Variants in JAKMIP2 observed in about 807,000 individuals in gnomAD.
The protein encoded by JAKMIP2 is janus kinase and microtubule-interacting protein 2.
Under a neutral mutation model 115.0 loss-of-function variants are expected in JAKMIP2, and 25 were observed. That is an observed-to-expected ratio of 0.22 (90% CI 0.16 to 0.30). JAKMIP2 has a LOEUF of 0.30. Ranked by LOEUF, JAKMIP2 falls within the 10% of genes least tolerant of loss-of-function variation. The pLI, the probability that JAKMIP2 is intolerant of heterozygous loss-of-function variation, is 1.00. For synonymous variants in JAKMIP2, 334 were observed against 343.6 expected (o/e 0.97, Z 0.31); for missense variants, 642 against 957.6 (o/e 0.67, Z 4.35).
intron 1 of JAKMIP2, among the ~76,000 whole-genome samples, chr5:147,697,885 A>G (rs770443150): frequency 6.6e-6 from 1 of 152,190 alleles, no homozygotes; most frequent in Non-Finnish European, 1.5e-5. Flanking sequence ...GTGGGGTTGG[A>G]GACTTGACAC....
intron 21 of JAKMIP2, among the ~76,000 whole-genome samples, chr5:147,601,440 T>TA (rs575443742): frequency 3.3e-5 from 5 of 150,876 alleles, no homozygotes; most frequent in Admixed American, 6.6e-5. Context: ...AAAATAATAA[T>TA]AAAAAAAAAT....
intron 1 of JAKMIP2, among the ~76,000 whole-genome samples, chr5:147,718,837 C>G (rs1390055227): frequency 6.6e-6 from 1 of 151,050 alleles, no homozygotes; most frequent in Non-Finnish European, 1.5e-5. Flanking sequence ...TTTTTTGTGT[C>G]TCTATTTCCT....
intron 17 of JAKMIP2, among the ~76,000 whole-genome samples, chr5:147,621,356 T>C (rs912093300): frequency 6.6e-6 from 1 of 152,234 alleles, no homozygotes; most frequent in Non-Finnish European, 1.5e-5. Context: ...CTTAAAACTA[T>C]ATTTTGGGTA....
intron 7 of JAKMIP2, 149 bp downstream of exon 7, chr5:147,643,909 T>G (rs1757996301): frequency 2.0e-6 from 1 of 509,234 alleles, no homozygotes. Flanking sequence ...TATAAAATAT[T>G]GGAATACAGT....
intron 1 of JAKMIP2, among the ~76,000 whole-genome samples, chr5:147,774,589 T>G (rs2116740): frequency 0.32 from 49,277 of 151,934 alleles, 9,442 homozygotes; most frequent in African/African-American, 0.54. Flanking sequence ...GCACTTAAAA[T>G]ACCTAATAAT....
At chr5:147,728,001 C>T (rs941721668) in intron 1 of JAKMIP2, among the ~76,000 whole-genome samples, 9 of 152,090 alleles carry the variant, frequency 5.9e-5, no homozygotes, top group South Asian at 2.1e-4. Flanking sequence ...CCTCATGAAA[C>T]CCCAGGGATT....
At chr5:147,595,052 G>A (rs528073419) in intron 21 of JAKMIP2, among the ~76,000 whole-genome samples, 57 of 152,246 alleles carry the variant, frequency 3.7e-4, no homozygotes, top group African/African-American at 1.3e-3. Flanking sequence ...TGAAAGGCAT[G>A]ATTCAAGACA....
chr5:147,605,968 C>A (rs1315010438), intron 20 of JAKMIP2, among the ~76,000 whole-genome samples: 1 of 152,086 alleles, frequency 6.6e-6, no homozygotes, highest in African/African-American at 2.4e-5. Flanking sequence ...TTGTTGGCTG[C>A]ATTATGTCTT....
At chr5:147,696,434 T>A (rs1752111457) in intron 1 of JAKMIP2, among the ~76,000 whole-genome samples, 1 of 152,154 alleles carries the variant, frequency 6.6e-6, no homozygotes, top group Non-Finnish European at 1.5e-5. Flanking sequence ...AAGGATGTGT[T>A]TTCTTCTCCT....
intron 16 of JAKMIP2, among the ~76,000 whole-genome samples, chr5:147,625,192 G>T (rs1757039059): frequency 6.6e-6 from 1 of 152,054 alleles, no homozygotes. Flanking sequence ...TGTTCCCCAG[G>T]CTGGTCTTGA....
At chr5:147,669,795 C>T (rs1386794520) in intron 2 of JAKMIP2, among the ~76,000 whole-genome samples, 1 of 152,222 alleles carries the variant, frequency 6.6e-6, no homozygotes, top group Admixed American at 6.5e-5. Context: ...AAGTCATCTG[C>T]ATCTGTAGTC....
chr5:147,671,426 G>T (rs181703145), intron 2 of JAKMIP2, among the ~76,000 whole-genome samples: 62 of 152,302 alleles, frequency 4.1e-4, no homozygotes, highest in Non-Finnish European at 7.6e-4. Flanking sequence ...TTCATATCTG[G>T]CTTCCTGAAC....
At chr5:147,650,084 G>A (rs928553006) in intron 4 of JAKMIP2, among the ~76,000 whole-genome samples, 2 of 152,146 alleles carry the variant, frequency 1.3e-5, no homozygotes, top group African/African-American at 2.4e-5. Context: ...AGTTTGGATA[G>A]GTATTGCCTG....
chr5:147,712,725 G>T (rs550184220), intron 1 of JAKMIP2, among the ~76,000 whole-genome samples: 1 of 152,010 alleles, frequency 6.6e-6, no homozygotes. Flanking sequence ...TTTTGACATC[G>T]TAACCACACA....
intron 7 of JAKMIP2, among the ~76,000 whole-genome samples, chr5:147,642,651 T>C (rs1211367262): frequency 2.0e-5 from 3 of 151,408 alleles, no homozygotes; most frequent in Non-Finnish European, 4.4e-5. Flanking sequence ...TTTAAGCCAG[T>C]GGTGTTCGGG....
intron 1 of JAKMIP2, among the ~76,000 whole-genome samples, chr5:147,717,362 G>A (rs1753048214): frequency 6.8e-6 from 1 of 147,124 alleles, no homozygotes; most frequent in Non-Finnish European, 1.5e-5. Flanking sequence ...CTTTAAAGTA[G>A]TTTTTTCCAA....
At chr5:147,611,130 T>C (rs912900287) in intron 20 of JAKMIP2, among the ~76,000 whole-genome samples, 1 of 151,960 alleles carries the variant, frequency 6.6e-6, no homozygotes, top group African/African-American at 2.4e-5. Flanking sequence ...TCCATGGGGG[T>C]GGGATCCGCT....
intron 1 of JAKMIP2, among the ~76,000 whole-genome samples, chr5:147,738,148 A>G (rs1408200047): frequency 6.6e-6 from 1 of 152,218 alleles, no homozygotes; most frequent in East Asian, 1.9e-4. Flanking sequence ...AGCACGAAGC[A>G]AAGAGGTCAT....
intron 1 of JAKMIP2, among the ~76,000 whole-genome samples, chr5:147,679,205 T>A (rs1328190850): frequency 1.3e-5 from 2 of 152,108 alleles, no homozygotes; most frequent in African/African-American, 4.8e-5. Flanking sequence ...GGTTTTGAAC[T>A]CCTGTGCTCA....
Sources: allele counts gnomAD v4.1 joint callset (sites outside exome capture counted in the v4.1 genomes callset), GRCh38; gene constraint gnomAD v4.1.1; transcripts MANE v1.5; gene names NCBI Gene and HGNC (gene_info 2026-07-23, HGNC 2026-07-21).